Variants in AFAP1 observed in about 807,000 individuals in gnomAD.
AFAP1 encodes the protein actin filament associated protein 1.
Under a neutral mutation model 93.9 loss-of-function variants are expected in AFAP1, and 75 were observed. The observed-to-expected ratio is 0.80, with a 90% CI of 0.66 to 0.97. The LOEUF (loss-of-function observed/expected upper bound fraction) is 0.97, where lower values mean the gene tolerates loss of function less well. AFAP1 is among the 50% of genes least tolerant of loss of function. The pLI, the probability that AFAP1 is intolerant of heterozygous loss-of-function variation, is 0.00. For missense variants in AFAP1, 1,201 were observed against 1,050.8 expected (o/e 1.14, Z -1.98); for synonymous variants, 517 against 430.7 (o/e 1.20, Z -2.48).
intron 6 of AFAP1, among the ~76,000 whole-genome samples, chr4:7,828,018 G>A (rs893879192): frequency 3.9e-5 from 6 of 152,204 alleles, no homozygotes; most frequent in African/African-American, 1.4e-4. Flanking sequence ...GGAAATGAAG[G>A]GCATGTGGAA....
At chr4:7,888,171 CA>C (rs1441685441) in intron 1 of AFAP1, among the ~76,000 whole-genome samples, 2 of 152,216 alleles carry the variant, frequency 1.3e-5, no homozygotes, top group Non-Finnish European at 2.9e-5. Context: ...TGTTTCAACA[CA>C]AAAACTTGGA....
intron 6 of AFAP1, among the ~76,000 whole-genome samples, chr4:7,837,438 T>C (rs28495292): frequency 0.026 from 3,885 of 152,242 alleles, 155 homozygotes; most frequent in African/African-American, 0.079. Flanking sequence ...AGATGGAAGA[T>C]GCCATCTGTG....
chr4:7,836,556 C>T (rs1394574398), intron 6 of AFAP1, among the ~76,000 whole-genome samples: 2 of 152,230 alleles, frequency 1.3e-5, no homozygotes, highest in Non-Finnish European at 2.9e-5. Context: ...AGGTGATTCT[C>T]CCACCTCAGT....
rs142391049 is a variant in AFAP1 at position 7,865,382 on chromosome 4, CA to C, written c.225+3239del. Reference sequence around the variant, plus strand: ...ACGCCTGTAATTCCAACACTTAAATCATTCACTTAAATTTAACATATTTAAA... The same window carrying C: ...ACGCCTGTAATTCCAACACTTAAATCTTCACTTAAATTTAACATATTTAAA... On this transcript the variant is annotated intron_variant, in intron 3 of 17. Transcript: ENST00000420658. 2.7e-3 allele frequency among the ~76,000 whole-genome samples: 404 copies of C among 152,354 alleles called. 1 individual carries two copies. Among genetic ancestry groups the C allele is most frequent in the Non-Finnish European group, 4.2e-3 (288 of 68,038 alleles).
At chr4:7,765,889 CCCCGACCACAGCG>C (rs1339569273) in intron 17 of AFAP1, among the ~76,000 whole-genome samples, 1 of 152,174 alleles carries the variant, frequency 6.6e-6, no homozygotes, top group African/African-American at 2.4e-5. Context: ...TCTGTGAAAG[CCCCGACCACAGCG>C]CCCGGCCACC....
intron 6 of AFAP1, among the ~76,000 whole-genome samples, chr4:7,830,084 C>T (rs1333659812): frequency 2.4e-5 from 3 of 126,834 alleles, no homozygotes; most frequent in Admixed American, 1.7e-4. Flanking sequence ...GCAAAAATCT[C>T]CAGGATACTT....
chr4:7,847,144 A>C (rs944786186), intron 4 of AFAP1, among the ~76,000 whole-genome samples: 2 of 152,224 alleles, frequency 1.3e-5, no homozygotes. Context: ...TCCAGAAAGT[A>C]TGCTTAGCAA....
chr4:7,901,637 G>A (rs996444133), intron 1 of AFAP1, among the ~76,000 whole-genome samples: 2 of 152,232 alleles, frequency 1.3e-5, no homozygotes, highest in East Asian at 3.8e-4. Context: ...GGCAGGTGCA[G>A]AGCCAGGGAA....
chr4:7,909,013 G>A (rs978736297), intron 1 of AFAP1, among the ~76,000 whole-genome samples: 9 of 152,138 alleles, frequency 5.9e-5, no homozygotes, highest in African/African-American at 2.2e-4. Flanking sequence ...TATTCAAGAG[G>A]CCAATATTTA....
chr4:7,861,910 A>C (rs562965549), intron 3 of AFAP1: 1 of 152,404 alleles, frequency 6.6e-6, no homozygotes, highest in East Asian at 1.9e-4. Context: ...AAAAGAGCCA[A>C]CGTTGTCACA....
intron 3 of AFAP1, among the ~76,000 whole-genome samples, chr4:7,856,520 G>A (rs1715096256): frequency 6.6e-6 from 1 of 152,126 alleles, no homozygotes; most frequent in South Asian, 2.1e-4. Context: ...GATTACAGGT[G>A]TCAGCCACCG....
chr4:7,917,906 G>C (rs1008270082), intron 1 of AFAP1, among the ~76,000 whole-genome samples: 2 of 152,202 alleles, frequency 1.3e-5, no homozygotes, highest in Non-Finnish European at 2.9e-5. Context: ...ACCGCAAAGA[G>C]ACCAGGGCAG....
At chr4:7,892,941 C>T (rs1718556146) in intron 1 of AFAP1, among the ~76,000 whole-genome samples, 1 of 152,110 alleles carries the variant, frequency 6.6e-6, no homozygotes, top group African/African-American at 2.4e-5. Flanking sequence ...ATCAAGAGAA[C>T]ATCAAAACAC....
chr4:7,925,271 C>G (rs1469858398), intron 1 of AFAP1, among the ~76,000 whole-genome samples: 1 of 152,246 alleles, frequency 6.6e-6, no homozygotes, highest in Non-Finnish European at 1.5e-5. Flanking sequence ...ATATACCCCT[C>G]AGGTCCTCTT....
At chr4:7,886,377 T>G (rs2149201947) in intron 1 of AFAP1, among the ~76,000 whole-genome samples, 1 of 152,366 alleles carries the variant, frequency 6.6e-6, no homozygotes, top group Non-Finnish European at 1.5e-5. Context: ...TTTATAGCTC[T>G]CCAGTGTCTC....
At chr4:7,885,534 G>A (rs1718095737) in intron 1 of AFAP1, among the ~76,000 whole-genome samples, 1 of 152,236 alleles carries the variant, frequency 6.6e-6, no homozygotes, top group South Asian at 2.1e-4. Flanking sequence ...CCACTAGCCA[G>A]TAGACAGTTG....
chr4:7,894,709 T>G (rs1718668477), intron 1 of AFAP1, among the ~76,000 whole-genome samples: 1 of 152,186 alleles, frequency 6.6e-6, no homozygotes, highest in Non-Finnish European at 1.5e-5. Context: ...TCGCATCATG[T>G]GACCCACCGA....
At chr4:7,855,400 G>A (rs1714932411) in intron 4 of AFAP1, 66 bp downstream of exon 4, 2 of 1,280,860 alleles carry the variant, frequency 1.6e-6, no homozygotes, top group Non-Finnish European at 2.2e-6. Flanking sequence ...CCCAGAAAGG[G>A]GACAGGCTCT....
At chr4:7,896,264 C>A (rs35727635) in intron 1 of AFAP1, among the ~76,000 whole-genome samples, 19,194 of 152,084 alleles carry the variant, frequency 0.13, 1,403 homozygotes, top group Non-Finnish European at 0.17. Flanking sequence ...TTTTTACATA[C>A]ACCTTTGGTT....
Sources: allele counts gnomAD v4.1 joint callset (sites outside exome capture counted in the v4.1 genomes callset), GRCh38; gene constraint gnomAD v4.1.1; transcripts MANE v1.5; gene names NCBI Gene and HGNC (gene_info 2026-07-23, HGNC 2026-07-21).